The following F8 variants were observed in gnomAD, a reference collection of about 807,000 sequenced individuals.
F8 encodes the protein antihemophilic factor.
F8 carries 12 observed loss-of-function variants against 140.6 expected under a neutral mutation model. The observed-to-expected ratio is 0.09, with a 90% CI of 0.05 to 0.14. The LOEUF (loss-of-function observed/expected upper bound fraction) is 0.14, where lower values mean the gene tolerates loss of function less well. Ranked by LOEUF, F8 falls within the 10% of genes least tolerant of loss-of-function variation. F8 has a pLI of 1.00. For missense variants in F8, 1,354 were observed against 1,720.7 expected (o/e 0.79, Z 3.77); for synonymous variants, 585 against 614.6 (o/e 0.95, Z 0.71).
chrX:154,965,692 T>A, intron 9 of F8: 1 of 311,348 alleles, frequency 3.2e-6, no homozygotes, highest in South Asian at 4.8e-5. Context: ...GTCTGCTGAC[T>A]CCTATATGAC....
rs1557276451 is a variant in F8 at position 154,907,847 on chromosome X, T to G, written c.5220-1274A>C. 2.7e-5 allele frequency among the ~76,000 whole-genome samples: 3 copies of G among 111,927 alleles called. No individual in the cohort carries two copies. The East Asian group carries it at 8.3e-4, about 31-fold the overall frequency. On this transcript the variant is annotated intron_variant, in intron 14 of 25. Coordinates refer to ENST00000360256, the MANE Select transcript of F8 (RefSeq NM_000132.4). ...GAGAAGCCTGTTAAAATCTATTATA[T>G]AAGTTTCCTTTGTGTGTCCTTTGTG...
intron 25 of F8, among the ~76,000 whole-genome samples, chrX:154,857,588 G>A (rs782782929): frequency 8.9e-6 from 1 of 112,302 alleles, no homozygotes; most frequent in South Asian, 3.7e-4. Flanking sequence ...ATTTTAGGCA[G>A]TGTACCTGGT....
chrX:154,870,975 G>A (rs188607621), intron 22 of F8, among the ~76,000 whole-genome samples: 86 of 111,479 alleles, frequency 7.7e-4, no homozygotes, highest in South Asian at 3.7e-4. Context: ...AAATACCTAC[G>A]AATACAACTT....
At chrX:154,878,646 GA>G (rs1158333910) in intron 22 of F8, among the ~76,000 whole-genome samples, 1 of 110,728 alleles carries the variant, frequency 9.0e-6, no homozygotes, top group Non-Finnish European at 1.9e-5. Flanking sequence ...GAGCAATTAG[GA>G]AAAAAAGAAA....
At chrX:154,982,017 C>G (rs1557283653) in intron 6 of F8, among the ~76,000 whole-genome samples, 3 of 109,995 alleles carry the variant, frequency 2.7e-5, no homozygotes, top group Non-Finnish European at 5.7e-5. Flanking sequence ...AACCCCATCT[C>G]TACTAAAACT....
rs202105638 is a variant in F8, at chrX:154,917,668, CT to C, written c.5219+10902del. Among the ~76,000 whole-genome samples, 907 of 111,668 alleles carry C rather than the reference CT, an allele frequency of 8.1e-3. 8 individuals are homozygous for C. The highest frequency in any genetic ancestry group is 0.028 in the African/African-American group (855 of 30,735). ...GACTGTGTATTTTCAAATAGCCTGTCTTTGAGCTCATTGATTGTTCGTTTTG... is the reference window on the plus strand; with the variant it reads ...GACTGTGTATTTTCAAATAGCCTGTCTTGAGCTCATTGATTGTTCGTTTTG... On this transcript the variant is annotated intron_variant, in intron 14 of 25. Coordinates refer to ENST00000360256, the MANE Select transcript of F8 (RefSeq NM_000132.4).
rs1185466045 is a variant in F8 at position 154,955,165 on chromosome X, CTTTTTTTTTTTTTT to C, written c.1753-1137_1753-1124del. Among the ~76,000 whole-genome samples, 4 of 36,077 alleles carry C rather than the reference CTTTTTTTTTTTTTT, an allele frequency of 1.1e-4. No individual in the cohort carries two copies. The South Asian group carries it at 5.0e-3, about 45-fold the overall frequency. 31.3% of individuals were successfully genotyped at this position (36,077 alleles called of 115,157 possible). On this transcript the variant is annotated intron_variant, in intron 11 of 25. Coordinates refer to ENST00000360256, the MANE Select transcript of F8 (RefSeq NM_000132.4). ...GTTTTGCCCAAAAGTATTTATTAAG[CTTTTTTTTTTTTTT>C]TTTTTTTTTTTTTTGAGACAGGGTG...
intron 13 of F8, among the ~76,000 whole-genome samples, chrX:154,932,162 G>T (rs1402587025): frequency 1.8e-5 from 2 of 111,800 alleles, no homozygotes; most frequent in Non-Finnish European, 3.8e-5. Context: ...TGAACAATAG[G>T]TTTCTAATTT....
intron 23 of F8, among the ~76,000 whole-genome samples, chrX:154,862,585 T>C (rs1164171499): frequency 9.0e-6 from 1 of 110,638 alleles, no homozygotes; most frequent in Non-Finnish European, 1.9e-5. Flanking sequence ...GTGTCCATCA[T>C]TGTGTCCATG....
intron 14 of F8, among the ~76,000 whole-genome samples, chrX:154,924,008 GCTTT>G (rs1250398972): frequency 8.9e-6 from 1 of 112,119 alleles, no homozygotes; most frequent in Non-Finnish European, 1.9e-5. Flanking sequence ...TCCTGCACAA[GCTTT>G]CTTTCTTTGC....
In F8 at chrX:154,894,093, C is replaced by T. The variant is rs187612518; in HGVS notation, c.6429+1984G>A. On this transcript the variant is annotated intron_variant, in intron 22 of 25. Transcript: ENST00000360256. ...AAAATGTTTAAATTCACCTATAGCC[C>T]GGAAGCCCCCAGGTTGAGTTGTCCC... is the stretch of plus-strand genomic sequence containing the variant. Among the ~76,000 whole-genome samples, 322 of 110,545 alleles carry T rather than the reference C, an allele frequency of 2.9e-3. 3 individuals carry two copies. Among genetic ancestry groups the T allele is most frequent in the South Asian group, 5.8e-3 (15 of 2,582 alleles).
chrX:155,011,865 C>T (rs1557286600), intron 1 of F8, among the ~76,000 whole-genome samples: 1 of 112,080 alleles, frequency 8.9e-6, no homozygotes, highest in Non-Finnish European at 1.9e-5. Context: ...ATCTTGAAAA[C>T]ATGCTAAGCA....
At chrX:154,965,665 T>C (rs1361081803) in intron 9 of F8, 25 of 251,714 alleles carry the variant, frequency 9.9e-5, no homozygotes, top group Non-Finnish European at 1.4e-5. Flanking sequence ...CAAGCCAAAT[T>C]TGGTTCACAG....
chrX:154,858,227 A>G (rs2072664233), intron 25 of F8, among the ~76,000 whole-genome samples: 1 of 112,282 alleles, frequency 8.9e-6, no homozygotes, highest in Admixed American at 9.4e-5. Flanking sequence ...TGGGCTCATG[A>G]ACAAAGTAGC....
chrX:154,986,439 G>A (rs782305239), intron 5 of F8, among the ~76,000 whole-genome samples: 6 of 110,308 alleles, frequency 5.4e-5, no homozygotes, highest in Admixed American at 1.9e-4. Context: ...ACAGGTACCC[G>A]CCACCATGAC....
At chrX:155,011,117 C>A (rs184866431) in intron 1 of F8, among the ~76,000 whole-genome samples, 5 of 112,082 alleles carry the variant, frequency 4.5e-5, no homozygotes, top group Non-Finnish European at 5.6e-5. Context: ...AGTGAAAATA[C>A]TACCCACAGA....
chrX:154,932,798 A>G (rs781803403), intron 13 of F8, among the ~76,000 whole-genome samples: 55 of 111,412 alleles, frequency 4.9e-4, no homozygotes, highest in African/African-American at 1.8e-3. Flanking sequence ...CCAAGTTGAT[A>G]ACTGAGCCTC....
intron 1 of F8, among the ~76,000 whole-genome samples, chrX:155,020,444 C>A (rs2073754755): frequency 8.9e-6 from 1 of 112,004 alleles, no homozygotes; most frequent in Non-Finnish European, 1.9e-5. Flanking sequence ...ATTACACGTA[C>A]AATCTTGAGG....
At chrX:154,940,993 C>T (rs1557279688) in intron 13 of F8, among the ~76,000 whole-genome samples, 1 of 111,676 alleles carries the variant, frequency 9.0e-6, no homozygotes, top group East Asian at 2.8e-4. Context: ...CCAGGCCTGA[C>T]CTAAGAGAGC....
Sources: gnomAD v4.1 joint callset for allele counts (sites outside exome capture counted in the v4.1 genomes callset) on GRCh38, gnomAD v4.1.1 for gene constraint, MANE v1.5 for transcripts, NCBI Gene and HGNC (gene_info 2026-07-23, HGNC 2026-07-21) for gene names.